Variants in KCNH8 observed in about 807,000 individuals in gnomAD.
The protein encoded by KCNH8 is potassium voltage-gated channel subfamily H member 8, also known as voltage-gated delayed rectifier potassium channel KCNH8.
Under a neutral mutation model 103.6 loss-of-function variants are expected in KCNH8, and 70 were observed. The observed-to-expected ratio is 0.68, with a 90% CI of 0.56 to 0.82. KCNH8 has a LOEUF of 0.82. KCNH8 is among the 40% of genes least tolerant of loss of function. The pLI is 0.00. For missense variants in KCNH8, 1,217 were observed against 1,329.9 expected (o/e 0.92, Z 1.32); for synonymous variants, 498 against 489.4 (o/e 1.02, Z -0.23).
chr3:19,441,496 G>A (rs1441079947), intron 8 of KCNH8, among the ~76,000 whole-genome samples: 1 of 152,162 alleles, frequency 6.6e-6, no homozygotes, highest in Non-Finnish European at 1.5e-5. Context: ...CTAAAGTATG[G>A]AGAATTAAAG....
intron 2 of KCNH8, among the ~76,000 whole-genome samples, chr3:19,265,865 C>T (rs889160886): frequency 2.6e-5 from 4 of 152,022 alleles, no homozygotes; most frequent in Admixed American, 1.3e-4. Context: ...CAGTGATGAG[C>T]CTTTACTCTA....
chr3:19,201,608 C>T (rs2063664025), intron 1 of KCNH8, among the ~76,000 whole-genome samples: 1 of 152,036 alleles, frequency 6.6e-6, no homozygotes, highest in Non-Finnish European at 1.5e-5. Flanking sequence ...TGGCCCTTAG[C>T]TATGACCTTA....
chr3:19,177,848 TA>T (rs1397811578), intron 1 of KCNH8, among the ~76,000 whole-genome samples: 1 of 152,140 alleles, frequency 6.6e-6, no homozygotes, highest in African/African-American at 2.4e-5. Context: ...AATATAATCT[TA>T]ACACTGTTTT....
At chr3:19,230,985 TA>T (rs1189648461) in intron 1 of KCNH8, among the ~76,000 whole-genome samples, 1 of 152,138 alleles carries the variant, frequency 6.6e-6, no homozygotes, top group African/African-American at 2.4e-5. Context: ...TGAAAAATTT[TA>T]AAAAATCTGA....
intron 5 of KCNH8, among the ~76,000 whole-genome samples, chr3:19,372,526 G>T (rs911759616): frequency 2.6e-5 from 4 of 152,080 alleles, no homozygotes; most frequent in Admixed American, 6.6e-5. Context: ...AGACAATGGG[G>T]TTTTCTAGAA....
At chr3:19,345,864 A>G (rs1575543754) in intron 4 of KCNH8, among the ~76,000 whole-genome samples, 1 of 152,092 alleles carries the variant, frequency 6.6e-6, no homozygotes, top group African/African-American at 2.4e-5. Context: ...TTACAAAATG[A>G]AACCATGAGA....
chr3:19,211,634 C>A (rs1323484148), intron 1 of KCNH8, among the ~76,000 whole-genome samples: 1 of 152,236 alleles, frequency 6.6e-6, no homozygotes, highest in East Asian at 1.9e-4. Context: ...GCTTTACTTG[C>A]TAGCTAGCCA....
intron 7 of KCNH8, among the ~76,000 whole-genome samples, chr3:19,406,454 C>T (rs2066692933): frequency 6.6e-6 from 1 of 152,036 alleles, no homozygotes; most frequent in Non-Finnish European, 1.5e-5. Context: ...ATAAAAATAA[C>T]CTGTTTTAAA....
At chr3:19,411,774 C>CGG (rs1486952964) in intron 7 of KCNH8, among the ~76,000 whole-genome samples, 1 of 149,868 alleles carries the variant, frequency 6.7e-6, no homozygotes, top group Non-Finnish European at 1.5e-5. Flanking sequence ...CACACACACA[C>CGG]AGACACACAC....
intron 3 of KCNH8, among the ~76,000 whole-genome samples, chr3:19,312,228 C>G (rs545966890): frequency 2.6e-5 from 4 of 151,900 alleles, no homozygotes; most frequent in Non-Finnish European, 4.4e-5. Context: ...ATGGGCCAAT[C>G]AATGGCATAA....
intron 11 of KCNH8, among the ~76,000 whole-genome samples, chr3:19,504,421 A>G (rs1227044831): frequency 2.6e-5 from 4 of 152,190 alleles, no homozygotes; most frequent in Non-Finnish European, 5.9e-5. Context: ...AAATTTTTGC[A>G]AACCTTGCAT....
At chr3:19,153,635 C>CTTTTTTTT (rs773828081) in intron 1 of KCNH8, among the ~76,000 whole-genome samples, 14 of 128,904 alleles carry the variant, frequency 1.1e-4, no homozygotes, top group South Asian at 2.6e-4. Flanking sequence ...TTTCTTTTTT[C>CTTTTTTTT]TTTTTTTTTT....
chr3:19,372,412 T>C (rs2125117312), intron 5 of KCNH8, among the ~76,000 whole-genome samples: 1 of 150,692 alleles, frequency 6.6e-6, no homozygotes, highest in East Asian at 1.9e-4. Flanking sequence ...GGCTCTCTGT[T>C]TGTCTGTTGT....
At chr3:19,270,499 G>T (rs1009266870) in intron 2 of KCNH8, among the ~76,000 whole-genome samples, 1 of 152,092 alleles carries the variant, frequency 6.6e-6, no homozygotes, top group Non-Finnish European at 1.5e-5. Flanking sequence ...GGTGAGTAAC[G>T]CAAGGATAAG....
chr3:19,226,909 A>G lies in KCNH8; in HGVS notation c.77-26745A>G, dbSNP rs554892317. ...GATTTGTATACAATTCTGCAGATCC[A>G]CAATTTCCCAGTCTCTTATCTCTGA... is the stretch of plus-strand genomic sequence containing the variant. On this transcript the variant is annotated intron_variant, in intron 1 of 15. Coordinates refer to ENST00000328405, the MANE Select transcript of KCNH8 (RefSeq NM_144633.3). Among the ~76,000 whole-genome samples, 127 of 152,322 alleles carry G rather than the reference A, an allele frequency of 8.3e-4. 1 individual carries two copies. The South Asian group carries it at 0.026, about 31-fold the overall frequency.
chr3:19,178,451 C>A (rs2063421072), intron 1 of KCNH8, among the ~76,000 whole-genome samples: 2 of 152,154 alleles, frequency 1.3e-5, no homozygotes, highest in African/African-American at 4.8e-5. Context: ...TTCTTTTCCT[C>A]AAGATACACT....
chr3:19,194,189 A>C (rs1452230804), intron 1 of KCNH8, among the ~76,000 whole-genome samples: 1 of 151,880 alleles, frequency 6.6e-6, no homozygotes, highest in Non-Finnish European at 1.5e-5. Context: ...AATAGTATGC[A>C]TTCAAAAATA....
intron 7 of KCNH8, among the ~76,000 whole-genome samples, chr3:19,398,233 C>T (rs2066554731): frequency 6.6e-6 from 1 of 151,850 alleles, no homozygotes; most frequent in South Asian, 2.1e-4. Context: ...AGCTTAAAAT[C>T]TGGTGGGAAA....
intron 11 of KCNH8, among the ~76,000 whole-genome samples, chr3:19,492,328 A>G (rs1172590360): frequency 6.6e-6 from 1 of 152,126 alleles, no homozygotes; most frequent in Non-Finnish European, 1.5e-5. Flanking sequence ...TCTATCTTTC[A>G]TCCATCTTGA....
Sources: gnomAD v4.1 joint callset for allele counts (sites outside exome capture counted in the v4.1 genomes callset) on GRCh38, gnomAD v4.1.1 for gene constraint, MANE v1.5 for transcripts, NCBI Gene and HGNC (gene_info 2026-07-23, HGNC 2026-07-21) for gene names.